The following SORCS2 variants were observed in gnomAD, a reference collection of about 807,000 sequenced individuals.
SORCS2 encodes sortilin related VPS10 domain containing receptor 2.
Under a neutral mutation model 141.6 loss-of-function variants are expected in SORCS2, and 100 were observed. That is an observed-to-expected ratio of 0.71 (90% CI 0.60 to 0.83). The LOEUF (loss-of-function observed/expected upper bound fraction) is 0.83. Ranked by LOEUF, SORCS2 falls within the 40% of genes least tolerant of loss-of-function variation. The pLI is 0.00. For synonymous variants in SORCS2, 789 were observed against 676.9 expected, an observed-to-expected ratio of 1.17 and a Z score of -2.57; for missense variants, 1,646 against 1,560.2, an observed-to-expected ratio of 1.05 and a Z score of -0.93.
At chr4:7,271,543 C>T (rs576200487) in intron 1 of SORCS2, among the ~76,000 whole-genome samples, 26 of 152,348 alleles carry the variant, frequency 1.7e-4, no homozygotes, top group African/African-American at 5.5e-4. Context: ...TGTCAACACC[C>T]CCAGCCCTTT....
At chr4:7,708,031 C>T (rs1042150340) in intron 14 of SORCS2, among the ~76,000 whole-genome samples, 11 of 152,332 alleles carry the variant, frequency 7.2e-5, no homozygotes, top group Admixed American at 5.2e-4. Flanking sequence ...GGAAATGAGT[C>T]GGCTTGAGGA....
chr4:7,343,162 A>T (rs999483403), intron 1 of SORCS2, among the ~76,000 whole-genome samples: 21 of 152,326 alleles, frequency 1.4e-4, no homozygotes, highest in Admixed American at 3.3e-4. Flanking sequence ...CCTGTCTGCA[A>T]CATTGGCAAA....
intron 26 of SORCS2, among the ~76,000 whole-genome samples, chr4:7,739,458 G>T (rs963873507): frequency 6.6e-6 from 1 of 152,168 alleles, no homozygotes; most frequent in African/African-American, 2.4e-5. Context: ...TCCTAGTGGG[G>T]TAGTAAGATT....
At chr4:7,435,303 G>A (rs1042574199) in intron 2 of SORCS2, among the ~76,000 whole-genome samples, 11 of 152,154 alleles carry the variant, frequency 7.2e-5, no homozygotes, top group African/African-American at 1.2e-4. Context: ...CACACCCCGA[G>A]GAGTCTCTGC....
At chr4:7,222,374 G>A (rs1470005571) in intron 1 of SORCS2, among the ~76,000 whole-genome samples, 6 of 152,182 alleles carry the variant, frequency 3.9e-5, no homozygotes, top group Admixed American at 3.9e-4. Context: ...AGTCAAAGAA[G>A]CCAGCCACGA....
At chr4:7,422,765 C>T (rs912529124) in intron 2 of SORCS2, among the ~76,000 whole-genome samples, 1 of 152,182 alleles carries the variant, frequency 6.6e-6, no homozygotes, top group Admixed American at 6.5e-5. Context: ...CCCAGGTCTC[C>T]CTGCGCCTGC....
intron 2 of SORCS2, among the ~76,000 whole-genome samples, chr4:7,474,890 C>A (rs1730197826): frequency 6.6e-6 from 1 of 152,184 alleles, no homozygotes; most frequent in Non-Finnish European, 1.5e-5. Flanking sequence ...TCCCTTCTGG[C>A]TGTCCCACCT....
chr4:7,507,135 T>G (rs1447671047), intron 2 of SORCS2, among the ~76,000 whole-genome samples: 1 of 151,482 alleles, frequency 6.6e-6, no homozygotes, highest in Non-Finnish European at 1.5e-5. Context: ...GGTTTAGATA[T>G]TTACATGTAT....
intron 1 of SORCS2, among the ~76,000 whole-genome samples, chr4:7,341,329 C>A (rs1720355088): frequency 1.3e-5 from 2 of 152,182 alleles, no homozygotes; most frequent in South Asian, 4.1e-4. Context: ...TGTTCAAGGC[C>A]CAGCTCTAAG....
At position 7,454,925 on chromosome 4, in the gene SORCS2, TGCTGTGTGTTGGGGTCAGGA is replaced by T. The variant is rs1273849590; in HGVS notation, c.548+58590_548+58609del. ...GGTCAGGCACTGTGTTGGGGTCAGG[TGCTGTGTGTTGGGGTCAGGA>T]GCTGTGTGTTGGGGTCAGGTGCTGT... On this transcript the variant is annotated intron_variant, in intron 2 of 26. Coordinates refer to ENST00000507866, the MANE Select transcript of SORCS2 (RefSeq NM_020777.3). Among the ~76,000 whole-genome samples, 44 of 71,716 alleles carry T rather than the reference TGCTGTGTGTTGGGGTCAGGA, an allele frequency of 6.1e-4. 1 individual carries two copies. The highest frequency in any genetic ancestry group is 5.4e-4 in the South Asian group (1 of 1,842). The allele number at this position is 71,716 out of a possible 152,430, so 47.0% of individuals were successfully genotyped here.
intron 1 of SORCS2, among the ~76,000 whole-genome samples, chr4:7,374,193 T>A (rs900704032): frequency 6.8e-6 from 1 of 146,596 alleles, no homozygotes; most frequent in African/African-American, 2.5e-5. Context: ...CTTTCTTTCT[T>A]TCTTTTTTGC....
At chr4:7,245,058 T>C (rs1712987843) in intron 1 of SORCS2, among the ~76,000 whole-genome samples, 1 of 152,066 alleles carries the variant, frequency 6.6e-6, no homozygotes, top group South Asian at 2.1e-4. Flanking sequence ...CAAGCGTGGA[T>C]GGGGCCGAGG....
chr4:7,498,145 A>G (rs1169659050), intron 2 of SORCS2, among the ~76,000 whole-genome samples: 1 of 152,160 alleles, frequency 6.6e-6, no homozygotes, highest in African/African-American at 2.4e-5. Flanking sequence ...AGTCCTGGAA[A>G]GGGAAGGATT....
intron 1 of SORCS2, among the ~76,000 whole-genome samples, chr4:7,377,286 G>A (rs1213799661): frequency 1.3e-5 from 2 of 151,968 alleles, no homozygotes; most frequent in Non-Finnish European, 2.9e-5. Context: ...TGCTGCTGAC[G>A]AGCACCTAGA....
At position 7,455,649 on chromosome 4, in the gene SORCS2, A is replaced by T. The variant is rs553919155; in HGVS notation, c.548+59294A>T. Among the ~76,000 whole-genome samples, 85 of 139,432 alleles carry T rather than the reference A, an allele frequency of 6.1e-4. 1 individual carries two copies. The highest frequency in any genetic ancestry group is 4.3e-3 in the Middle Eastern group (1 of 232). 91.5% of individuals were successfully genotyped at this position (139,432 alleles called of 152,430 possible). On this transcript the variant is annotated intron_variant, in intron 2 of 26. Transcript: ENST00000507866. The stretch of plus-strand genomic sequence containing the variant: ...TGGGGTCAGGCGCCGTGTTGGGGTC[A>T]GGCTTCGTGTTGGGGTCAGGCTCCG...
intron 1 of SORCS2, among the ~76,000 whole-genome samples, chr4:7,222,977 G>A (rs976834660): frequency 4.6e-5 from 7 of 152,138 alleles, no homozygotes; most frequent in African/African-American, 1.7e-4. Flanking sequence ...GGCTGCGTCG[G>A]TGGAGGGAGG....
chr4:7,450,059 A>G (rs1384823528), intron 2 of SORCS2, among the ~76,000 whole-genome samples: 1 of 152,198 alleles, frequency 6.6e-6, no homozygotes, highest in Non-Finnish European at 1.5e-5. Context: ...TTCTCCAGAA[A>G]GGAGGGTCCC....
chr4:7,294,544 A>G (rs527376331), intron 1 of SORCS2, among the ~76,000 whole-genome samples: 2 of 151,518 alleles, frequency 1.3e-5, no homozygotes, highest in East Asian at 3.9e-4. Context: ...TCCATGCCCC[A>G]GGGGTGCAGG....
chr4:7,540,022 C>T (rs926914537), intron 3 of SORCS2, among the ~76,000 whole-genome samples: 57 of 150,340 alleles, frequency 3.8e-4, no homozygotes, highest in Non-Finnish European at 6.2e-4. Context: ...GAGGCCCCGC[C>T]CCCTTTCTGC....
Sources: allele counts gnomAD v4.1 joint callset (sites outside exome capture counted in the v4.1 genomes callset), GRCh38; gene constraint gnomAD v4.1.1; transcripts MANE v1.5; gene names NCBI Gene and HGNC (gene_info 2026-07-23, HGNC 2026-07-21).